The following UBTD1 variants were observed in gnomAD, a reference collection of about 807,000 sequenced individuals.
UBTD1 encodes the protein ubiquitin domain-containing protein 1.
Under a neutral mutation model 21.7 loss-of-function variants are expected in UBTD1, and 19 were observed. The observed-to-expected ratio is 0.87, with a 90% CI of 0.61 to 1.28. The LOEUF is 1.28. Ranked by LOEUF, UBTD1 falls within the 50% of genes most tolerant of loss-of-function variation. The pLI, the probability that UBTD1 is intolerant of heterozygous loss-of-function variation, is 0.00. For missense variants in UBTD1, 282 were observed against 315.1 expected (o/e 0.89, Z 0.80); for synonymous variants, 116 against 135.1 (o/e 0.86, Z 0.98).
chr10:97,547,919 C>T (rs1337530116), intron 1 of UBTD1, among the ~76,000 whole-genome samples: 1 of 151,594 alleles, frequency 6.6e-6, no homozygotes, highest in Non-Finnish European at 1.5e-5. Flanking sequence ...AAAAAAGTAA[C>T]CTTTAATTGT....
At chr10:97,565,699 ATTTTTATTTTC>A (rs2040714280) in intron 1 of UBTD1, among the ~76,000 whole-genome samples, 1 of 151,770 alleles carries the variant, frequency 6.6e-6, no homozygotes, top group Non-Finnish European at 1.5e-5. Flanking sequence ...ATTTTTCTTT[ATTTTTATTTTC>A]TTTTTATTTT....
chr10:97,564,266 G>A (rs1336973202), intron 1 of UBTD1, among the ~76,000 whole-genome samples: 1 of 152,176 alleles, frequency 6.6e-6, no homozygotes, highest in Non-Finnish European at 1.5e-5. Context: ...CTGGGACAAG[G>A]TTGGGGCCGA....
intron 1 of UBTD1, among the ~76,000 whole-genome samples, chr10:97,537,820 CTTTT>C (rs57859135): frequency 1.7e-5 from 2 of 119,490 alleles, no homozygotes; most frequent in African/African-American, 3.2e-5. Flanking sequence ...CAGGCTTTCT[CTTTT>C]TTTTTTTTTT....
chr10:97,561,621 A>G (rs982734649), intron 1 of UBTD1, among the ~76,000 whole-genome samples: 5 of 152,206 alleles, frequency 3.3e-5, no homozygotes, highest in Non-Finnish European at 5.9e-5. Flanking sequence ...ATCTATGAAT[A>G]ACATCAGTTT....
intron 1 of UBTD1, among the ~76,000 whole-genome samples, chr10:97,545,452 TAAGC>T (rs1408009981): frequency 7.4e-5 from 11 of 149,234 alleles, no homozygotes; most frequent in Non-Finnish European, 1.6e-4. Flanking sequence ...GTGTGTGTCT[TAAGC>T]AAGAGCCTTG....
chr10:97,551,031 C>A (rs549264383), intron 1 of UBTD1, among the ~76,000 whole-genome samples: 1 of 152,208 alleles, frequency 6.6e-6, no homozygotes, highest in African/African-American at 2.4e-5. Context: ...CATTTCCACT[C>A]CTGTTTTGCT....
At chr10:97,563,715 A>T (rs2040704409) in intron 1 of UBTD1, among the ~76,000 whole-genome samples, 1 of 152,136 alleles carries the variant, frequency 6.6e-6, no homozygotes, top group Non-Finnish European at 1.5e-5. Context: ...CAGGGCATTT[A>T]TGAGTAGTTA....
rs188504060 is a variant in UBTD1 at position 97,507,969 on chromosome 10, G to C, written c.70+8696G>C. Among the ~76,000 whole-genome samples the C allele has an allele frequency of 1.8e-3, 274 of 152,280 alleles. 4 individuals carry two copies. Among genetic ancestry groups the C allele is most frequent in the African/African-American group, 6.2e-3 (259 of 41,562 alleles). ...CAGCCAGTCACTAACCAAGTAGCCT[G>C]AATCTTAGTTTCCAGCCTGCGCACT... is the stretch of plus-strand genomic sequence containing the variant. On this transcript the variant is annotated intron_variant, in intron 1 of 2. Coordinates refer to ENST00000370664, the MANE Select transcript of UBTD1 (RefSeq NM_024954.5).
chr10:97,568,984 C>A (rs1311725923), intron 2 of UBTD1, among the ~76,000 whole-genome samples: 1 of 152,050 alleles, frequency 6.6e-6, no homozygotes, highest in Non-Finnish European at 1.5e-5. Flanking sequence ...CCATCACGCC[C>A]AGCTAATTTT....
chr10:97,556,501 CG>C (rs1192705619), intron 1 of UBTD1, among the ~76,000 whole-genome samples: 1 of 152,178 alleles, frequency 6.6e-6, no homozygotes, highest in East Asian at 1.9e-4. Context: ...CTGTGTGATT[CG>C]GTTGAGCATG....
chr10:97,513,694 C>T (rs748982559), intron 1 of UBTD1, among the ~76,000 whole-genome samples: 7 of 152,148 alleles, frequency 4.6e-5, no homozygotes, highest in Non-Finnish European at 1.0e-4. Context: ...AGTCTCCATT[C>T]TCATTTGGTA....
At chr10:97,509,286 G>C (rs929656827) in intron 1 of UBTD1, among the ~76,000 whole-genome samples, 3 of 152,230 alleles carry the variant, frequency 2.0e-5, no homozygotes, top group African/African-American at 7.2e-5. Flanking sequence ...AAATCATAGA[G>C]AGGGCAGCGG....
chr10:97,566,270 T>A (rs1369422104), intron 1 of UBTD1, among the ~76,000 whole-genome samples: 1 of 17,854 alleles, frequency 5.6e-5, no homozygotes, highest in Non-Finnish European at 1.7e-4. Context: ...CATATTGAGA[T>A]TTTTTTTTTT....
At chr10:97,523,840 T>C (rs1003551037) in intron 1 of UBTD1, among the ~76,000 whole-genome samples, 2 of 152,122 alleles carry the variant, frequency 1.3e-5, no homozygotes, top group African/African-American at 4.8e-5. Context: ...CTCGTGAGAC[T>C]GCTGAAGACC....
chr10:97,565,471 T>A (rs1308651157), intron 1 of UBTD1, among the ~76,000 whole-genome samples: 1 of 152,148 alleles, frequency 6.6e-6, no homozygotes, highest in Non-Finnish European at 1.5e-5. Context: ...TTCCCTATTG[T>A]ATACTTCTGG....
chr10:97,511,351 AGAAT>A lies in UBTD1; in HGVS notation c.70+12082_70+12085del, dbSNP rs1465705398. On this transcript the variant is annotated intron_variant, in intron 1 of 2. Transcript: ENST00000370664. ...TGAGGGGGTGGGGGTACACACAGTG[AGAAT>A]GAAATATTTGGGTCATCAGTCTCAG... Among the ~76,000 whole-genome samples, 3 of 152,106 alleles carry A rather than the reference AGAAT, an allele frequency of 2.0e-5. No homozygotes were observed. The East Asian group carries it at 5.8e-4, about 29-fold the overall frequency.
chr10:97,503,544 C>T (rs1475319310), intron 1 of UBTD1, among the ~76,000 whole-genome samples: 1 of 151,980 alleles, frequency 6.6e-6, no homozygotes, highest in Non-Finnish European at 1.5e-5. Context: ...TATCCACTTA[C>T]GTTCTGGAAT....
At chr10:97,506,562 G>A (rs1328466391) in intron 1 of UBTD1, among the ~76,000 whole-genome samples, 6 of 151,748 alleles carry the variant, frequency 4.0e-5, no homozygotes, top group African/African-American at 9.7e-5. Context: ...TGTAGCATGA[G>A]TACATTCTTT....
At chr10:97,524,293 G>GT (rs1329811343) in intron 1 of UBTD1, among the ~76,000 whole-genome samples, 4 of 152,076 alleles carry the variant, frequency 2.6e-5, no homozygotes, top group Admixed American at 2.6e-4. Flanking sequence ...ATGCGGGGGG[G>GT]TCTCACTATG....
Sources: allele counts gnomAD v4.1 joint callset (sites outside exome capture counted in the v4.1 genomes callset), GRCh38; gene constraint gnomAD v4.1.1; transcripts MANE v1.5; gene names NCBI Gene and HGNC (gene_info 2026-07-23, HGNC 2026-07-21).